Variants in PTGER4 observed in about 807,000 individuals in gnomAD.
The protein encoded by PTGER4 is prostaglandin E receptor 4, also known as prostaglandin E2 receptor EP4 subtype.
A neutral mutation model predicts 33.2 loss-of-function variants in PTGER4; 11 were observed. The observed-to-expected ratio is 0.33, with a 90% CI of 0.21 to 0.55. The LOEUF is 0.55. Ranked by LOEUF, PTGER4 falls within the 20% of genes least tolerant of loss-of-function variation. PTGER4 has a pLI of 0.92. For synonymous variants in PTGER4, 275 were observed against 281.5 expected, an observed-to-expected ratio of 0.98 and a Z score of 0.23; for missense variants, 481 against 650.2, an observed-to-expected ratio of 0.74 and a Z score of 2.83.
At chr5:40,729,256 C>A in the PTGER4 span, among the ~76,000 whole-genome samples, 1 of 152,086 alleles carries the variant, frequency 6.6e-6, no homozygotes, top group Admixed American at 6.6e-5. Context: ...TGGGTTTTTC[C>A]TGGATAAACT....
the PTGER4 span, among the ~76,000 whole-genome samples, chr5:40,744,211 C>A: frequency 6.6e-6 from 1 of 152,176 alleles, no homozygotes; most frequent in Non-Finnish European, 1.5e-5. Context: ...AGATAAAAAT[C>A]TTTATGCCTA....
chr5:40,725,991 T>C, the PTGER4 span, among the ~76,000 whole-genome samples: 1 of 151,722 alleles, frequency 6.6e-6, no homozygotes, highest in East Asian at 1.9e-4. Flanking sequence ...TTCACCGTGT[T>C]AGCCAGGATG....
intron 2 of PTGER4, among the ~76,000 whole-genome samples, chr5:40,688,904 T>A (rs1741397031): frequency 6.6e-6 from 1 of 152,236 alleles, no homozygotes; most frequent in South Asian, 2.1e-4. Context: ...TATAGGAAGA[T>A]ATTAATTTCA....
At chr5:40,743,560 G>T in the PTGER4 span, among the ~76,000 whole-genome samples, 5 of 151,806 alleles carry the variant, frequency 3.3e-5, no homozygotes, top group South Asian at 1.0e-3. Context: ...ATCACTTGAG[G>T]TCAGGGGTTC....
the PTGER4 span, among the ~76,000 whole-genome samples, chr5:40,706,576 A>G: frequency 6.7e-6 from 1 of 148,810 alleles, no homozygotes; most frequent in Non-Finnish European, 1.5e-5. Context: ...GAAATGGATC[A>G]TAGGCCTAAT....
At chr5:40,694,028 T>C (rs1561132863), downstream of PTGER4, among the ~76,000 whole-genome samples, 1 of 152,164 alleles carries the variant, frequency 6.6e-6, no homozygotes, top group Non-Finnish European at 1.5e-5. Flanking sequence ...GCAGTTTTTT[T>C]AACTGCCATT....
chr5:40,704,376 T>C, the PTGER4 span, among the ~76,000 whole-genome samples: 1 of 152,108 alleles, frequency 6.6e-6, no homozygotes, highest in Non-Finnish European at 1.5e-5. Flanking sequence ...ACAGACAACA[T>C]TAGACCAAAT....
chr5:40,714,507 C>CA, the PTGER4 span: 63 of 152,236 alleles, frequency 4.1e-4, no homozygotes, highest in African/African-American at 1.4e-3. Context: ...ACAAATTACA[C>CA]AAAAAACAAA....
chr5:40,720,103 A>C, the PTGER4 span, among the ~76,000 whole-genome samples: 1 of 152,206 alleles, frequency 6.6e-6, no homozygotes, highest in African/African-American at 2.4e-5. Context: ...ATATCTAAAA[A>C]ATATTAATAT....
the PTGER4 span, among the ~76,000 whole-genome samples, chr5:40,741,340 T>G: frequency 6.6e-6 from 1 of 152,234 alleles, no homozygotes; most frequent in Non-Finnish European, 1.5e-5. Flanking sequence ...TAAATATTTC[T>G]GGTGACCATC....
the PTGER4 span, among the ~76,000 whole-genome samples, chr5:40,700,586 G>T: frequency 6.6e-6 from 1 of 152,188 alleles, no homozygotes; most frequent in East Asian, 1.9e-4. Context: ...TTCCTGACCT[G>T]CATTTCTCTG....
the PTGER4 span, among the ~76,000 whole-genome samples, chr5:40,732,656 T>C: frequency 6.6e-6 from 1 of 151,964 alleles, no homozygotes; most frequent in Non-Finnish European, 1.5e-5. Flanking sequence ...CTGGAGTACA[T>C]GGAGTACAGT....
At chr5:40,729,169 T>C in the PTGER4 span, among the ~76,000 whole-genome samples, 1 of 152,228 alleles carries the variant, frequency 6.6e-6, no homozygotes, top group African/African-American at 2.4e-5. Flanking sequence ...CTGTCATTCA[T>C]ATATACATAT....
downstream of PTGER4, among the ~76,000 whole-genome samples, chr5:40,697,150 GAGAAAGAAAGAAA>G (rs899239593): frequency 1.9e-5 from 2 of 106,322 alleles, no homozygotes; most frequent in Non-Finnish European, 3.9e-5. Context: ...AGGAAAGAAA[GAGAAAGAAAGAAA>G]AGAAAGAAAG....
chr5:40,737,098 T>C, the PTGER4 span, among the ~76,000 whole-genome samples: 145,014 of 152,212 alleles, frequency 0.95, 69,462 homozygotes, highest in East Asian at 1. Context: ...GAGTTCAAGA[T>C]CAGCCTGGGC....
At chr5:40,738,589 T>TAA in the PTGER4 span, among the ~76,000 whole-genome samples, 1 of 132,966 alleles carries the variant, frequency 7.5e-6, no homozygotes, top group Non-Finnish European at 1.7e-5. Context: ...TAAAATAAAA[T>TAA]AAAATAAAAT....
chr5:40,739,812 A>G, the PTGER4 span, among the ~76,000 whole-genome samples: 2 of 152,158 alleles, frequency 1.3e-5, no homozygotes, highest in Non-Finnish European at 2.9e-5. Flanking sequence ...GTGTATATTT[A>G]TTGATTTATT....
At chr5:40,709,478 G>A in the PTGER4 span, among the ~76,000 whole-genome samples, 1 of 152,136 alleles carries the variant, frequency 6.6e-6, no homozygotes, top group East Asian at 1.9e-4. Context: ...ACTTACAAGG[G>A]ATGTGAAGGA....
At chr5:40,708,763 C>A in the PTGER4 span, among the ~76,000 whole-genome samples, 3 of 152,168 alleles carry the variant, frequency 2.0e-5, no homozygotes, top group Admixed American at 1.3e-4. Context: ...CCCTGATGAA[C>A]ATCGATGCAA....
Sources: gnomAD v4.1 joint callset for allele counts (sites outside exome capture counted in the v4.1 genomes callset) on GRCh38, gnomAD v4.1.1 for gene constraint, MANE v1.5 for transcripts, NCBI Gene and HGNC (gene_info 2026-07-23, HGNC 2026-07-21) for gene names.